The following MAGI1 variants were observed in gnomAD, a reference collection of about 807,000 sequenced individuals.
MAGI1 encodes the protein membrane associated guanylate kinase, WW and PDZ domain containing 1, also known as membrane-associated guanylate kinase, WW and PDZ domain-containing protein 1.
A neutral mutation model predicts 139.9 loss-of-function variants in MAGI1; 58 were observed. The ratio of observed to expected loss-of-function variants is 0.41; its 90% CI spans 0.34 to 0.52. MAGI1 has a LOEUF of 0.52. Ranked by LOEUF, MAGI1 falls within the 20% of genes least tolerant of loss-of-function variation. The pLI, the probability that MAGI1 is intolerant of heterozygous loss-of-function variation, is 0.12. For synonymous variants in MAGI1, 812 were observed against 737.9 expected, an observed-to-expected ratio of 1.10 and a Z score of -1.63; for missense variants, 1,874 against 1,901.6, an observed-to-expected ratio of 0.99 and a Z score of 0.27.
At chr3:65,992,402 G>A (rs1250854032) in intron 1 of MAGI1, among the ~76,000 whole-genome samples, 1 of 152,134 alleles carries the variant, frequency 6.6e-6, no homozygotes, top group African/African-American at 2.4e-5. Context: ...ATTGTCTGTG[G>A]TGAAATAACA....
At chr3:65,643,813 G>A (rs1034816860) in intron 1 of MAGI1, among the ~76,000 whole-genome samples, 5 of 152,196 alleles carry the variant, frequency 3.3e-5, no homozygotes, top group East Asian at 1.9e-4. Context: ...CACCACCCAC[G>A]CCAGCAATGA....
intron 2 of MAGI1, among the ~76,000 whole-genome samples, chr3:65,543,591 G>T (rs978828911): frequency 6.6e-6 from 1 of 152,188 alleles, no homozygotes; most frequent in Non-Finnish European, 1.5e-5. Context: ...ATGAGTTCAT[G>T]TCCTTTGCAG....
chr3:65,465,649 C>T (rs895101655), intron 5 of MAGI1, among the ~76,000 whole-genome samples: 1 of 152,084 alleles, frequency 6.6e-6, no homozygotes, highest in Admixed American at 6.5e-5. Flanking sequence ...CATTTCTCAT[C>T]GCTTTCAACC....
At position 65,528,599 on chromosome 3, in the gene MAGI1, G is replaced by C. The variant is rs184097888; in HGVS notation, c.431-34968C>G. Among the ~76,000 whole-genome samples, 4 of 152,312 alleles carry C rather than the reference G, an allele frequency of 2.6e-5. No individual in the cohort carries two copies. In the East Asian group the frequency reaches 7.7e-4, roughly 29 times the overall value. The stretch of plus-strand genomic sequence containing the variant: ...AAAATATCACCTATCACAAAGGGCT[G>C]TTGTGATCATTTCAATTTGATAATC... On this transcript the variant is annotated intron_variant, in intron 2 of 22. Coordinates refer to ENST00000402939, the MANE Select transcript of MAGI1 (RefSeq NM_001033057.2).
chr3:65,485,785 A>G (rs1426772095), intron 3 of MAGI1, among the ~76,000 whole-genome samples: 5 of 152,236 alleles, frequency 3.3e-5, no homozygotes, highest in Non-Finnish European at 7.3e-5. Context: ...CACATAAAGA[A>G]ACTGATATTT....
intron 1 of MAGI1, among the ~76,000 whole-genome samples, chr3:66,032,089 A>T (rs2068632347): frequency 6.6e-6 from 1 of 152,252 alleles, no homozygotes; most frequent in African/African-American, 2.4e-5. Context: ...ATCCTAAACA[A>T]GAAGTAAAAG....
At chr3:65,457,718 T>C (rs1205987586) in intron 5 of MAGI1, among the ~76,000 whole-genome samples, 1 of 152,188 alleles carries the variant, frequency 6.6e-6, no homozygotes, top group Non-Finnish European at 1.5e-5. Flanking sequence ...GATACTTCGA[T>C]ACAGACATAC....
chr3:65,443,558 G>A (rs77630123), intron 7 of MAGI1, among the ~76,000 whole-genome samples: 122 of 152,198 alleles, frequency 8.0e-4, no homozygotes, highest in African/African-American at 2.9e-3. Flanking sequence ...AACTTCCTAA[G>A]GTTTCATATC....
At chr3:65,945,969 A>G (rs567718411) in intron 1 of MAGI1, among the ~76,000 whole-genome samples, 2 of 152,348 alleles carry the variant, frequency 1.3e-5, no homozygotes, top group African/African-American at 4.8e-5. Flanking sequence ...TTTAGTATTA[A>G]AATAGTATTT....
chr3:65,796,171 C>G (rs2040136843), intron 1 of MAGI1, among the ~76,000 whole-genome samples: 1 of 152,032 alleles, frequency 6.6e-6, no homozygotes, highest in African/African-American at 2.4e-5. Flanking sequence ...AGAACTGATG[C>G]AAAGACACTC....
intron 1 of MAGI1, among the ~76,000 whole-genome samples, chr3:65,637,834 T>G (rs1321634007): frequency 6.6e-6 from 1 of 152,198 alleles, no homozygotes; most frequent in East Asian, 1.9e-4. Context: ...GTTTATTGCA[T>G]TCATAGCAGT....
chr3:65,400,300 T>C (rs1261575807), intron 13 of MAGI1, among the ~76,000 whole-genome samples: 1 of 152,180 alleles, frequency 6.6e-6, no homozygotes, highest in Non-Finnish European at 1.5e-5. Flanking sequence ...TGCAGGTTTT[T>C]CTCTTTGGAG....
intron 13 of MAGI1, among the ~76,000 whole-genome samples, chr3:65,394,374 T>C (rs1020646406): frequency 1.3e-5 from 2 of 152,172 alleles, no homozygotes; most frequent in African/African-American, 4.8e-5. Flanking sequence ...TTAAATGCCA[T>C]CTAAACTTTA....
rs187378784 is a variant in MAGI1 at position 65,462,084 on chromosome 3, T to C, written c.959+8199A>G. Among the ~76,000 whole-genome samples the C allele has an allele frequency of 4.6e-5, 7 of 152,312 alleles. No individual in the cohort carries two copies. In the East Asian group the frequency reaches 1.4e-3, roughly 29 times the overall value. ...TCTGTAGGTTGCCCATTCACTATGA[T>C]GATAGTTTCTTTTGCTGTGCAGAAG... On this transcript the variant is annotated intron_variant, in intron 5 of 22. Transcript: ENST00000402939.
At chr3:65,549,010 C>T (rs1179739292) in intron 2 of MAGI1, among the ~76,000 whole-genome samples, 1 of 152,132 alleles carries the variant, frequency 6.6e-6, no homozygotes, top group Non-Finnish European at 1.5e-5. Context: ...TGGCCCTAGG[C>T]GGAACGAGCC....
intron 1 of MAGI1, among the ~76,000 whole-genome samples, chr3:65,866,942 G>A (rs905506778): frequency 5.9e-5 from 9 of 152,240 alleles, no homozygotes; most frequent in African/African-American, 1.4e-4. Context: ...TGGCTGTCCC[G>A]GACAGGATGT....
chr3:66,037,497 T>C, intron 1 of MAGI1, among the ~76,000 whole-genome samples: 1 of 152,102 alleles, frequency 6.6e-6, no homozygotes, highest in East Asian at 1.9e-4. Context: ...GGCAGTGGTG[T>C]CCTAGCTCAC....
intron 5 of MAGI1, 170 bp downstream of exon 5, chr3:65,470,113 T>C (rs1534092): frequency 1.8e-6 from 1 of 556,720 alleles, no homozygotes; most frequent in African/African-American, 1.9e-5. Flanking sequence ...ATCGATAAGT[T>C]GGTAATAATT....
intron 13 of MAGI1, among the ~76,000 whole-genome samples, chr3:65,399,656 C>T (rs983983648): frequency 3.3e-5 from 5 of 152,166 alleles, no homozygotes; most frequent in African/African-American, 1.2e-4. Flanking sequence ...CTTAGGAATG[C>T]AGCCCAAGTA....
Sources: gnomAD v4.1 joint callset for allele counts (sites outside exome capture counted in the v4.1 genomes callset) on GRCh38, gnomAD v4.1.1 for gene constraint, MANE v1.5 for transcripts, NCBI Gene and HGNC (gene_info 2026-07-23, HGNC 2026-07-21) for gene names.